NYAP2: variants seen among roughly 807,000 people sequenced by gnomAD.
The protein encoded by NYAP2 is neuronal tyrosine-phosphorylated phosphoinositide-3-kinase adaptor 2, also known as neuronal tyrosine-phosphorylated phosphoinositide-3-kinase adapter 2.
In NYAP2, 23 loss-of-function variants were observed where a neutral mutation model predicts 50.4. The ratio of observed to expected loss-of-function variants is 0.46; its 90% CI spans 0.33 to 0.65. The LOEUF (loss-of-function observed/expected upper bound fraction) is 0.65, where lower values mean the gene tolerates loss of function less well. Ranked by LOEUF, NYAP2 falls within the 30% of genes least tolerant of loss-of-function variation. The probability of loss-of-function intolerance (pLI) is 0.02; values close to 1 mark genes in which losing one functional copy is unlikely to be tolerated. For synonymous variants in NYAP2, 394 were observed against 365.2 expected (o/e 1.08, Z -0.90); for missense variants, 885 against 861.0 (o/e 1.03, Z -0.35).
intron 3 of NYAP2, among the ~76,000 whole-genome samples, chr2:225,507,503 TCAG>T (rs2106181705): frequency 6.6e-6 from 1 of 152,356 alleles, no homozygotes; most frequent in South Asian, 2.1e-4. Flanking sequence ...TCGGTCCTAA[TCAG>T]CAGGTGCTTT....
chr2:225,595,842 T>C (rs1428931385), intron 5 of NYAP2, among the ~76,000 whole-genome samples: 2 of 152,186 alleles, frequency 1.3e-5, no homozygotes, highest in Non-Finnish European at 2.9e-5. Context: ...CTGTACTTGC[T>C]GCCTCCATTT....
At chr2:225,639,463 T>C (rs1328162218) in intron 6 of NYAP2, among the ~76,000 whole-genome samples, 1 of 152,322 alleles carries the variant, frequency 6.6e-6, no homozygotes, top group South Asian at 2.1e-4. Context: ...TATCATTATC[T>C]GACATTTTTT....
chr2:225,522,352 G>T (rs1257303892), intron 4 of NYAP2, among the ~76,000 whole-genome samples: 1 of 151,990 alleles, frequency 6.6e-6, no homozygotes, highest in Non-Finnish European at 1.5e-5. Flanking sequence ...ACTTTTGATT[G>T]GGATAGTTCT....
At chr2:225,600,192 A>G (rs1300125208) in intron 5 of NYAP2, among the ~76,000 whole-genome samples, 1 of 152,164 alleles carries the variant, frequency 6.6e-6, no homozygotes, top group Admixed American at 6.5e-5. Flanking sequence ...AGATGAAATC[A>G]TAGGGAGTTG....
intron 3 of NYAP2, among the ~76,000 whole-genome samples, chr2:225,490,922 A>G (rs945798380): frequency 6.6e-6 from 1 of 152,124 alleles, no homozygotes; most frequent in Non-Finnish European, 1.5e-5. Flanking sequence ...ATGGAGCATT[A>G]CACTCTTGAC....
the NYAP2 span, among the ~76,000 whole-genome samples, chr2:225,679,493 G>GTTTTT: frequency 7.0e-4 from 73 of 103,850 alleles, no homozygotes; most frequent in African/African-American, 1.6e-3. Flanking sequence ...GCTTCTAATT[G>GTTTTT]TTTTTTTTTT....
chr2:225,628,902 A>G (rs1693262854), intron 6 of NYAP2, among the ~76,000 whole-genome samples: 1 of 152,196 alleles, frequency 6.6e-6, no homozygotes, highest in Non-Finnish European at 1.5e-5. Flanking sequence ...CTTACATTTA[A>G]GTGCTCAAAG....
chr2:225,667,270 A>ATTTGG, the NYAP2 span, among the ~76,000 whole-genome samples: 29,402 of 152,112 alleles, frequency 0.19, 3,643 homozygotes, highest in Admixed American at 0.32. Flanking sequence ...AAAGAAGCCA[A>ATTTGG]ATACGTGTGT....
intron 4 of NYAP2, among the ~76,000 whole-genome samples, chr2:225,555,411 A>C (rs138480682): frequency 0.011 from 1,678 of 152,196 alleles, 22 homozygotes; most frequent in African/African-American, 0.037. Context: ...TTTTTTTTAG[A>C]GTTGCCATCA....
intron 3 of NYAP2, among the ~76,000 whole-genome samples, chr2:225,410,903 A>T (rs1216279955): frequency 6.6e-6 from 1 of 152,170 alleles, no homozygotes; most frequent in Non-Finnish European, 1.5e-5. Context: ...TCATTACATA[A>T]TAAGTGAGGT....
At chr2:225,612,112 T>C (rs981788168) in intron 5 of NYAP2, among the ~76,000 whole-genome samples, 2 of 147,146 alleles carry the variant, frequency 1.4e-5, no homozygotes, top group African/African-American at 5.1e-5. Flanking sequence ...GGAGTACTGA[T>C]CTAGTATGTG....
intron 3 of NYAP2, among the ~76,000 whole-genome samples, chr2:225,441,628 G>C (rs548483818): frequency 6.6e-6 from 1 of 152,192 alleles, no homozygotes; most frequent in Non-Finnish European, 1.5e-5. Context: ...AGGAGAGAGA[G>C]AGTGTGCAGG....
At chr2:225,681,027 T>C in the NYAP2 span, among the ~76,000 whole-genome samples, 1 of 152,234 alleles carries the variant, frequency 6.6e-6, no homozygotes, top group East Asian at 1.9e-4. Flanking sequence ...TTTGTGATTG[T>C]GCATTAGGAA....
At chr2:225,584,287 A>G (rs954954993) in intron 5 of NYAP2, among the ~76,000 whole-genome samples, 6 of 152,228 alleles carry the variant, frequency 3.9e-5, no homozygotes, top group Non-Finnish European at 8.8e-5. Context: ...AGATCCATCA[A>G]TATATAACTT....
downstream of NYAP2, among the ~76,000 whole-genome samples, chr2:225,658,835 G>C (rs1214616143): frequency 6.6e-6 from 1 of 152,164 alleles, no homozygotes; most frequent in Non-Finnish European, 1.5e-5. Flanking sequence ...AGAATTCAGA[G>C]GGTCATAACT....
chr2:225,650,935 G>T lies in NYAP2; in HGVS notation c.1829-497G>T, dbSNP rs567898516. ...ATGAAAGATAGTAAAAGTCTTGGAAGACAGTTATAAAATTTAATGAAAATC... is the reference window on the plus strand; with the variant it reads ...ATGAAAGATAGTAAAAGTCTTGGAATACAGTTATAAAATTTAATGAAAATC... On this transcript the variant is annotated intron_variant, in intron 6 of 6. Transcript: ENST00000636099. Among the ~76,000 whole-genome samples, 18 of 152,302 alleles carry T rather than the reference G, an allele frequency of 1.2e-4. 1 individual carries two copies. In the South Asian group the frequency reaches 3.5e-3, roughly 30 times the overall value.
chr2:225,508,787 C>T (rs1205872088), intron 3 of NYAP2, among the ~76,000 whole-genome samples: 1 of 152,196 alleles, frequency 6.6e-6, no homozygotes, highest in African/African-American at 2.4e-5. Flanking sequence ...CTAGGAGCTG[C>T]CCATGGACAA....
At chr2:225,695,480 TGA>T in the NYAP2 span, among the ~76,000 whole-genome samples, 2 of 151,860 alleles carry the variant, frequency 1.3e-5, no homozygotes, top group Non-Finnish European at 1.5e-5. Flanking sequence ...TTTATTTTTT[TGA>T]GAGACAACAA....
At chr2:225,412,002 A>G (rs2106121067) in intron 3 of NYAP2, among the ~76,000 whole-genome samples, 1 of 149,090 alleles carries the variant, frequency 6.7e-6, no homozygotes, top group East Asian at 1.9e-4. Context: ...ATTATACTAT[A>G]ATAATATTAT....
Sources: gnomAD v4.1 joint callset for allele counts (sites outside exome capture counted in the v4.1 genomes callset) on GRCh38, gnomAD v4.1.1 for gene constraint, MANE v1.5 for transcripts, NCBI Gene and HGNC (gene_info 2026-07-23, HGNC 2026-07-21) for gene names.